Variants in CDH13 observed in about 807,000 individuals in gnomAD.
CDH13 encodes the protein cadherin-13.
In CDH13, 24 loss-of-function variants were observed where a neutral mutation model predicts 63.8. The ratio of observed to expected loss-of-function variants is 0.38; its 90% CI spans 0.27 to 0.53. The LOEUF (loss-of-function observed/expected upper bound fraction) is 0.53, where lower values mean the gene tolerates loss of function less well. Among genes scored for constraint, CDH13 ranks in the 20% least tolerant of loss-of-function variants. The probability of loss-of-function intolerance (pLI) is 0.85; values close to 1 mark genes in which losing one functional copy is unlikely to be tolerated. For synonymous variants in CDH13, 503 were observed against 355.3 expected (o/e 1.42, Z -4.67); for missense variants, 1,049 against 903.1 (o/e 1.16, Z -2.07).
chr16:83,192,077 C>T (rs1407635603), intron 4 of CDH13, among the ~76,000 whole-genome samples: 1 of 152,178 alleles, frequency 6.6e-6, no homozygotes, highest in Non-Finnish European at 1.5e-5. Flanking sequence ...GATACTCGGT[C>T]ACTATTTTGT....
chr16:83,412,326 G>A (rs537993413), intron 6 of CDH13, among the ~76,000 whole-genome samples: 2 of 152,282 alleles, frequency 1.3e-5, no homozygotes, highest in Non-Finnish European at 2.9e-5. Flanking sequence ...GTCAGGCATG[G>A]TGGCAGACGT....
intron 10 of CDH13, chr16:83,721,953 A>T (rs1210898474): frequency 1.3e-5 from 2 of 152,296 alleles, no homozygotes; most frequent in Non-Finnish European, 2.9e-5. Context: ...TACAGGCTGC[A>T]CCCTGGAGCC....
chr16:83,289,647 C>T (rs1304932981), intron 5 of CDH13, among the ~76,000 whole-genome samples: 2 of 152,098 alleles, frequency 1.3e-5, no homozygotes, highest in African/African-American at 4.8e-5. Flanking sequence ...TTCACCCCAA[C>T]AGTAGAAACT....
chr16:83,788,569 C>T (rs756930817), intron 13 of CDH13, among the ~76,000 whole-genome samples: 2 of 151,874 alleles, frequency 1.3e-5, no homozygotes, highest in Non-Finnish European at 2.9e-5. Context: ...CTACAGATGA[C>T]AATCATCAGC....
intron 4 of CDH13, among the ~76,000 whole-genome samples, chr16:83,130,694 A>G (rs1248116086): frequency 2.6e-5 from 4 of 152,222 alleles, no homozygotes; most frequent in Non-Finnish European, 4.4e-5. Context: ...TAAATATAAA[A>G]TTATCATAAA....
intron 5 of CDH13, among the ~76,000 whole-genome samples, chr16:83,303,205 G>A (rs2089791166): frequency 6.6e-6 from 1 of 152,190 alleles, no homozygotes; most frequent in South Asian, 2.1e-4. Flanking sequence ...ACCTTCCGAA[G>A]GTTCACCTTC....
chr16:82,995,514 T>C (rs1912106076), intron 2 of CDH13, among the ~76,000 whole-genome samples: 1 of 152,192 alleles, frequency 6.6e-6, no homozygotes, highest in Admixed American at 6.5e-5. Context: ...AGAGATGGCA[T>C]GGCAACAGGA....
intron 6 of CDH13, among the ~76,000 whole-genome samples, chr16:83,393,996 A>G (rs1165719429): frequency 6.6e-6 from 1 of 152,214 alleles, no homozygotes; most frequent in African/African-American, 2.4e-5. Context: ...TAAGGCAGGA[A>G]CAGAAATCCA....
intron 1 of CDH13, among the ~76,000 whole-genome samples, chr16:82,708,785 C>A (rs942927624): frequency 3.1e-4 from 47 of 152,078 alleles, no homozygotes; most frequent in Non-Finnish European, 4.4e-5. Flanking sequence ...TCTGAGACAC[C>A]CCTCCCCAGA....
At chr16:83,721,815 T>C (rs1550177) in intron 10 of CDH13, 36,264 of 152,238 alleles carry the variant, frequency 0.24, 4,506 homozygotes, top group Middle Eastern at 0.37. Flanking sequence ...AGACAGAGTT[T>C]GAATGAGATC....
chr16:82,777,811 G>C (rs1160442989), intron 1 of CDH13, among the ~76,000 whole-genome samples: 3 of 152,106 alleles, frequency 2.0e-5, no homozygotes, highest in African/African-American at 7.2e-5. Context: ...CAGGCTGCTG[G>C]ACTGAGGGCT....
At chr16:82,875,472 A>C (rs2151195087) in intron 2 of CDH13, among the ~76,000 whole-genome samples, 1 of 152,328 alleles carries the variant, frequency 6.6e-6, no homozygotes, top group South Asian at 2.1e-4. Flanking sequence ...AAAGGACAGA[A>C]ACTAGAGAAG....
intron 1 of CDH13, among the ~76,000 whole-genome samples, chr16:82,684,181 G>A (rs1217804736): frequency 5.3e-5 from 8 of 152,244 alleles, no homozygotes; most frequent in Non-Finnish European, 1.0e-4. Flanking sequence ...TTTGACACCT[G>A]AAGACATCCC....
intron 6 of CDH13, among the ~76,000 whole-genome samples, chr16:83,355,714 A>T (rs2091038244): frequency 6.6e-6 from 1 of 152,140 alleles, no homozygotes; most frequent in South Asian, 2.1e-4. Flanking sequence ...ATGGATGCTG[A>T]CTCTGTAGAG....
At chr16:82,720,185 T>G (rs1185464643) in intron 1 of CDH13, among the ~76,000 whole-genome samples, 1 of 152,098 alleles carries the variant, frequency 6.6e-6, no homozygotes, top group African/African-American at 2.4e-5. Context: ...GTAGTGGTGG[T>G]GGGTTAAATC....
chr16:83,217,157 G>A (rs1008853741), intron 4 of CDH13, among the ~76,000 whole-genome samples, 188 bp from the exon 5 acceptor site: 1 of 152,208 alleles, frequency 6.6e-6, no homozygotes, highest in Non-Finnish European at 1.5e-5. Context: ...CAAAGACGTG[G>A]ATATTAGGAT....
chr16:83,792,943 GAA>G (rs1471680741), intron 13 of CDH13, among the ~76,000 whole-genome samples: 4 of 152,288 alleles, frequency 2.6e-5, no homozygotes, highest in South Asian at 2.1e-4. Flanking sequence ...TGGTAAAAAT[GAA>G]AAGAGTGCCT....
intron 7 of CDH13, among the ~76,000 whole-genome samples, chr16:83,538,275 C>A (rs1461492849): frequency 6.6e-6 from 1 of 152,142 alleles, no homozygotes; most frequent in African/African-American, 2.4e-5. Context: ...TAGGTTATTT[C>A]TTTTCAGATT....
chr16:83,262,943 TTGATA>T (rs1241857590), intron 5 of CDH13, among the ~76,000 whole-genome samples: 4 of 152,226 alleles, frequency 2.6e-5, no homozygotes, highest in African/African-American at 9.6e-5. Context: ...ACCAGCTAAA[TTGATA>T]TGATGTTGTT....
Sources: gnomAD v4.1 joint callset for allele counts (sites outside exome capture counted in the v4.1 genomes callset) on GRCh38, gnomAD v4.1.1 for gene constraint, MANE v1.5 for transcripts, NCBI Gene and HGNC (gene_info 2026-07-23, HGNC 2026-07-21) for gene names.